Variants in GALNTL6 observed in about 807,000 individuals in gnomAD.
The protein encoded by GALNTL6 is polypeptide N-acetylgalactosaminyltransferase like 6, also known as polypeptide N-acetylgalactosaminyltransferase-like 6.
Under a neutral mutation model 73.7 loss-of-function variants are expected in GALNTL6, and 46 were observed. That is an observed-to-expected ratio of 0.62 (90% CI 0.49 to 0.80). The LOEUF (loss-of-function observed/expected upper bound fraction) is 0.80, where lower values mean the gene tolerates loss of function less well. Among genes scored for constraint, GALNTL6 ranks in the 30% least tolerant of loss-of-function variants. The pLI, the probability that GALNTL6 is intolerant of heterozygous loss-of-function variation, is 0.00. For missense variants in GALNTL6, 604 were observed against 755.0 expected (o/e 0.80, Z 2.34); for synonymous variants, 259 against 263.7 (o/e 0.98, Z 0.17).
intron 5 of GALNTL6, among the ~76,000 whole-genome samples, chr4:172,619,655 G>T (rs1738880117): frequency 1.3e-5 from 2 of 152,176 alleles, no homozygotes. Context: ...CCTAGTTATT[G>T]AGGCATGACC....
intron 3 of GALNTL6, among the ~76,000 whole-genome samples, chr4:172,243,450 A>G (rs1028264340): frequency 6.6e-6 from 1 of 152,154 alleles, no homozygotes; most frequent in South Asian, 2.1e-4. Flanking sequence ...AAATATAACC[A>G]ATTGTCCAAG....
chr4:172,626,983 A>G (rs1455630358), intron 5 of GALNTL6, among the ~76,000 whole-genome samples: 1 of 152,012 alleles, frequency 6.6e-6, no homozygotes, highest in Non-Finnish European at 1.5e-5. Context: ...TAGATGCCTT[A>G]TATTTATATC....
intron 10 of GALNTL6, among the ~76,000 whole-genome samples, chr4:172,955,210 G>T (rs2126356798): frequency 6.6e-6 from 1 of 152,304 alleles, no homozygotes; most frequent in Non-Finnish European, 1.5e-5. Context: ...GGGCACGGTG[G>T]TTCACGCCTG....
intron 10 of GALNTL6, among the ~76,000 whole-genome samples, chr4:172,959,552 C>A (rs1381049489): frequency 6.6e-6 from 1 of 151,908 alleles, no homozygotes; most frequent in African/African-American, 2.4e-5. Flanking sequence ...GATAGACTTA[C>A]CCTCCACTGT....
intron 7 of GALNTL6, among the ~76,000 whole-genome samples, chr4:172,831,018 G>A (rs944883377): frequency 6.6e-6 from 1 of 150,988 alleles, no homozygotes; most frequent in South Asian, 2.1e-4. Context: ...AATTAACAGG[G>A]CATGGTGGCA....
chr4:172,519,502 CTTCT>C (rs1460110433), intron 5 of GALNTL6, among the ~76,000 whole-genome samples: 1 of 149,922 alleles, frequency 6.7e-6, no homozygotes, highest in Admixed American at 6.7e-5. Flanking sequence ...TTTCTCTTTC[CTTCT>C]TTCTTTTTTT....
intron 7 of GALNTL6, among the ~76,000 whole-genome samples, chr4:172,859,605 C>T (rs909428436): frequency 2.6e-4 from 40 of 152,126 alleles, no homozygotes; most frequent in African/African-American, 8.4e-4. Context: ...CTATCCACTA[C>T]AGAGACAGGA....
intron 2 of GALNTL6, among the ~76,000 whole-genome samples, chr4:172,201,069 G>A (rs1004120642): frequency 2.0e-5 from 3 of 151,934 alleles, no homozygotes; most frequent in Admixed American, 6.6e-5. Flanking sequence ...CCTTAAAAAC[G>A]ATACATAAGG....
chr4:172,233,193 A>C (rs533603149), intron 3 of GALNTL6, among the ~76,000 whole-genome samples: 1 of 134,468 alleles, frequency 7.4e-6, no homozygotes, highest in Admixed American at 8.2e-5. Flanking sequence ...ACATAGCGAG[A>C]CCTCATCTCT....
intron 5 of GALNTL6, among the ~76,000 whole-genome samples, chr4:172,380,715 T>C (rs1238436020): frequency 6.6e-6 from 1 of 152,224 alleles, no homozygotes; most frequent in Non-Finnish European, 1.5e-5. Flanking sequence ...ACATATTCCA[T>C]ATAATTTACC....
chr4:172,359,908 A>G (rs547939147), intron 5 of GALNTL6, among the ~76,000 whole-genome samples: 1 of 152,300 alleles, frequency 6.6e-6, no homozygotes, highest in South Asian at 2.1e-4. Context: ...ATGCCCTGAC[A>G]TATGACTCTC....
intron 5 of GALNTL6, among the ~76,000 whole-genome samples, chr4:172,580,651 C>T (rs1737144660): frequency 6.6e-6 from 1 of 152,128 alleles, no homozygotes; most frequent in Admixed American, 6.5e-5. Flanking sequence ...CTTTGTAGCC[C>T]CCCAGAATAA....
intron 2 of GALNTL6, among the ~76,000 whole-genome samples, chr4:172,033,170 G>GGA (rs70941376): frequency 0.025 from 3,692 of 146,310 alleles, 81 homozygotes; most frequent in African/African-American, 0.064. Flanking sequence ...ACACACACAC[G>GGA]GAGAGAGAGA....
At chr4:171,875,731 C>T (rs112159737) in intron 2 of GALNTL6, among the ~76,000 whole-genome samples, 126 of 150,752 alleles carry the variant, frequency 8.4e-4, no homozygotes, top group African/African-American at 2.7e-3. Flanking sequence ...TTGGGTGTTG[C>T]TTTCTGCATA....
intron 8 of GALNTL6, among the ~76,000 whole-genome samples, chr4:172,906,875 G>A (rs1157465895): frequency 6.6e-6 from 1 of 152,146 alleles, no homozygotes; most frequent in Non-Finnish European, 1.5e-5. Context: ...TCACTTGTTA[G>A]GTCAGACCTA....
chr4:172,240,629 G>T (rs116254731), intron 3 of GALNTL6, among the ~76,000 whole-genome samples: 3,213 of 152,164 alleles, frequency 0.021, 118 homozygotes, highest in African/African-American at 0.074. Flanking sequence ...TCCACAGTTT[G>T]GTCTATTCTG....
chr4:173,031,628 A>G (rs1292081608), intron 12 of GALNTL6, among the ~76,000 whole-genome samples: 4 of 151,916 alleles, frequency 2.6e-5, no homozygotes, highest in East Asian at 1.9e-4. Flanking sequence ...GGAAAAAAAA[A>G]AGAGAGAGAG....
chr4:172,441,901 AT>A (rs5864137), intron 5 of GALNTL6, among the ~76,000 whole-genome samples: 131,434 of 151,840 alleles, frequency 0.87, 56,928 homozygotes, highest in South Asian at 0.89. Flanking sequence ...ATAAGAATTG[AT>A]TTTTTTTTAA....
At chr4:172,327,786 A>G (rs1192369082) in intron 4 of GALNTL6, among the ~76,000 whole-genome samples, 1 of 152,016 alleles carries the variant, frequency 6.6e-6, no homozygotes, top group African/African-American at 2.4e-5. Context: ...TATGGATATC[A>G]TTGCATGTCA....
Sources: allele counts gnomAD v4.1 joint callset (sites outside exome capture counted in the v4.1 genomes callset), GRCh38; gene constraint gnomAD v4.1.1; transcripts MANE v1.5; gene names NCBI Gene and HGNC (gene_info 2026-07-23, HGNC 2026-07-21).